IL13RA1: variants seen among roughly 807,000 people sequenced by gnomAD.
The protein encoded by IL13RA1 is interleukin-13 receptor subunit alpha-1.
IL13RA1 carries 14 observed loss-of-function variants against 33.8 expected under a neutral mutation model. The ratio of observed to expected loss-of-function variants is 0.41; its 90% CI spans 0.27 to 0.65. The LOEUF (loss-of-function observed/expected upper bound fraction) is 0.65, where lower values mean the gene tolerates loss of function less well. Among genes scored for constraint, IL13RA1 ranks in the 30% least tolerant of loss-of-function variants. The pLI, the probability that IL13RA1 is intolerant of heterozygous loss-of-function variation, is 0.28. For synonymous variants in IL13RA1, 116 were observed against 115.7 expected (o/e 1.00, Z -0.02); for missense variants, 313 against 327.0 (o/e 0.96, Z 0.33).
intron 6 of IL13RA1, among the ~76,000 whole-genome samples, chrX:118,761,701 G>A (rs1310307750): frequency 8.9e-6 from 1 of 112,078 alleles, no homozygotes; most frequent in South Asian, 3.7e-4. Flanking sequence ...GATGAGTGCT[G>A]TGAAGAAAAT....
At chrX:118,763,813 ATTGAG>A (rs1421035468) in intron 6 of IL13RA1, among the ~76,000 whole-genome samples, 1 of 101,085 alleles carries the variant, frequency 9.9e-6, no homozygotes, top group African/African-American at 3.6e-5. Context: ...TTATTATTGA[ATTGAG>A]TTACTTTTTT....
intron 4 of IL13RA1, among the ~76,000 whole-genome samples, chrX:118,757,067 A>G (rs778319106): frequency 2.7e-5 from 3 of 111,914 alleles, no homozygotes; most frequent in Non-Finnish European, 5.6e-5. Context: ...GCCAAGAAAC[A>G]AGGAAGGAGC....
intron 10 of IL13RA1, among the ~76,000 whole-genome samples, chrX:118,785,674 G>A (rs1344634512): frequency 9.0e-6 from 1 of 110,720 alleles, no homozygotes; most frequent in Non-Finnish European, 1.9e-5. Context: ...AGGTTCAAGT[G>A]ATTCTCCTGC....
intron 4 of IL13RA1, among the ~76,000 whole-genome samples, chrX:118,751,656 T>C (rs1247052179): frequency 9.1e-6 from 1 of 110,217 alleles, no homozygotes; most frequent in Non-Finnish European, 1.9e-5. Flanking sequence ...TTAATCGTTG[T>C]GATGTCAGGG....
rs2017980307 is a variant in IL13RA1 at position 118,791,980 on chromosome X, A to G, written c.*126A>G. ...CACCATTTAAAAACAGGCAGCTCAT[A>G]AGAGCCACAGGTCTTTATGTTGAGT... On this transcript the variant is annotated 3_prime_UTR_variant, in exon 11 of 11. Coordinates refer to ENST00000371666, the MANE Select transcript of IL13RA1 (RefSeq NM_001560.3). 2.6e-6 allele frequency: 1 copy of G among 382,707 alleles called. No individual in the cohort carries two copies. Among genetic ancestry groups the G allele is most frequent in the Admixed American group, 5.3e-5 (1 of 19,021 alleles). The allele number at this position is 382,707 out of a possible 1,213,427, so 31.5% of individuals were successfully genotyped here.
intron 1 of IL13RA1, among the ~76,000 whole-genome samples, chrX:118,728,739 C>G (rs1193662733): frequency 8.9e-6 from 1 of 112,003 alleles, no homozygotes; most frequent in East Asian, 2.8e-4. Context: ...AAAATACATG[C>G]TGCCAGGCAG....
At chrX:118,746,864 A>G in intron 2 of IL13RA1, 90 bp from the exon 3 acceptor site, 1 of 662,769 alleles carries the variant, frequency 1.5e-6, no homozygotes, top group Non-Finnish European at 2.3e-6. Context: ...CTTTTTTGAT[A>G]AAAAAAGCAC....
intron 2 of IL13RA1, 34 bp downstream of exon 2, chrX:118,741,190 T>G: frequency 4.3e-6 from 4 of 926,059 alleles, no homozygotes; most frequent in Non-Finnish European, 6.3e-6. Flanking sequence ...ATTGATGAGG[T>G]AAAGTGAACA....
chrX:118,729,785 A>G (rs2250747), intron 1 of IL13RA1, among the ~76,000 whole-genome samples: 19,108 of 111,652 alleles, frequency 0.17, 1,489 homozygotes, highest in East Asian at 0.41. Context: ...GTTGAGGCAC[A>G]GTGCGACCAA....
chrX:118,749,246 A>G (rs2017444025), intron 3 of IL13RA1, among the ~76,000 whole-genome samples: 1 of 112,488 alleles, frequency 8.9e-6, no homozygotes, highest in Non-Finnish European at 1.9e-5. Flanking sequence ...ATGTGTCAGT[A>G]TTGATCAAAA....
chrX:118,791,524 A>G (rs1349475469), intron 10 of IL13RA1, among the ~76,000 whole-genome samples: 1 of 110,175 alleles, frequency 9.1e-6, no homozygotes, highest in East Asian at 2.8e-4. Context: ...TAGTCATTGT[A>G]CATCATGTAA....
At chrX:118,758,473 GAGTT>G (rs1466785491) in intron 5 of IL13RA1, among the ~76,000 whole-genome samples, 3 of 112,240 alleles carry the variant, frequency 2.7e-5, no homozygotes, top group Admixed American at 1.9e-4. Flanking sequence ...AGTACACTGA[GAGTT>G]AGAACAGTTA....
intron 6 of IL13RA1, among the ~76,000 whole-genome samples, chrX:118,763,302 G>GCT (rs1250258365): frequency 8.9e-6 from 1 of 112,629 alleles, no homozygotes; most frequent in Non-Finnish European, 1.9e-5. Flanking sequence ...ATTACTATGT[G>GCT]CTAGGTATCT....
the IL13RA1 span, among the ~76,000 whole-genome samples, chrX:118,804,394 T>TAC: frequency 0.073 from 6,503 of 89,519 alleles, 292 homozygotes; most frequent in East Asian, 0.15. Flanking sequence ...CAGCCATGCA[T>TAC]ACACACACAC....
At chrX:118,734,703 G>C (rs931698898) in intron 1 of IL13RA1, among the ~76,000 whole-genome samples, 3 of 111,918 alleles carry the variant, frequency 2.7e-5, no homozygotes, top group Non-Finnish European at 5.6e-5. Flanking sequence ...TGATATGCCC[G>C]TGTATTCACT....
intron 10 of IL13RA1, among the ~76,000 whole-genome samples, chrX:118,781,166 T>A (rs1428437657): frequency 9.4e-6 from 1 of 106,087 alleles, no homozygotes; most frequent in African/African-American, 3.5e-5. Context: ...CAGAGGGAAT[T>A]GCTTCTCCTC....
At chrX:118,766,631 G>A (rs2017652286) in intron 7 of IL13RA1, 54 bp downstream of exon 7, 2 of 687,750 alleles carry the variant, frequency 2.9e-6, no homozygotes, top group Non-Finnish European at 4.7e-6. Context: ...AGTTGGGGGT[G>A]GAGCATAGCC....
At chrX:118,777,484 CATAT>C (rs1456565985) in intron 10 of IL13RA1, among the ~76,000 whole-genome samples, 1 of 111,923 alleles carries the variant, frequency 8.9e-6, no homozygotes, top group Non-Finnish European at 1.9e-5. Flanking sequence ...GGTTAGGAGA[CATAT>C]TTTATCAAAA....
intron 10 of IL13RA1, among the ~76,000 whole-genome samples, chrX:118,790,352 TG>T (rs1479061327): frequency 8.9e-6 from 1 of 112,672 alleles, no homozygotes; most frequent in Non-Finnish European, 1.9e-5. Flanking sequence ...TTCTATAATA[TG>T]GTTGTAACCA....
Sources: gnomAD v4.1 joint callset for allele counts (sites outside exome capture counted in the v4.1 genomes callset) on GRCh38, gnomAD v4.1.1 for gene constraint, MANE v1.5 for transcripts, NCBI Gene and HGNC (gene_info 2026-07-23, HGNC 2026-07-21) for gene names.